The following ENOX1 variants were observed in gnomAD, a reference collection of about 807,000 sequenced individuals.
ENOX1 encodes the protein candidate growth-related and time keeping constitutive hydroquinone (NADH) oxidase.
Under a neutral mutation model 82.5 loss-of-function variants are expected in ENOX1, and 42 were observed. The observed-to-expected ratio is 0.51, with a 90% CI of 0.40 to 0.66. ENOX1 has a LOEUF of 0.66. Among genes scored for constraint, ENOX1 ranks in the 30% least tolerant of loss-of-function variants. The probability of loss-of-function intolerance (pLI) is 0.00; values close to 1 mark genes in which losing one functional copy is unlikely to be tolerated. For missense variants in ENOX1, 608 were observed against 811.6 expected, an observed-to-expected ratio of 0.75 and a Z score of 3.05; for synonymous variants, 271 against 282.2, an observed-to-expected ratio of 0.96 and a Z score of 0.40.
intron 2 of ENOX1, among the ~76,000 whole-genome samples, chr13:43,497,838 T>C (rs2076846054): frequency 1.3e-5 from 2 of 152,158 alleles, no homozygotes; most frequent in Non-Finnish European, 2.9e-5. Flanking sequence ...AATTCATTAG[T>C]GAAAGCATCT....
chr13:43,642,028 C>G (rs2083677943), intron 2 of ENOX1, among the ~76,000 whole-genome samples: 1 of 152,092 alleles, frequency 6.6e-6, no homozygotes, highest in South Asian at 2.1e-4. Flanking sequence ...ATCATTTAAT[C>G]TACAACAAGA....
chr13:43,380,464 T>C (rs187771694), intron 5 of ENOX1, among the ~76,000 whole-genome samples: 1 of 151,660 alleles, frequency 6.6e-6, no homozygotes, highest in Admixed American at 6.6e-5. Flanking sequence ...ATCATAAAGA[T>C]ACTAAGTCCA....
At chr13:43,616,186 C>A (rs58232500) in intron 2 of ENOX1, among the ~76,000 whole-genome samples, 1,791 of 6,428 alleles carry the variant, frequency 0.28, 314 homozygotes, top group East Asian at 0.45. Context: ...ATCTATCTAT[C>A]TATATATATA....
intron 11 of ENOX1, among the ~76,000 whole-genome samples, chr13:43,310,951 CCCA>C (rs1285703066): frequency 2.0e-5 from 3 of 151,700 alleles, no homozygotes; most frequent in Admixed American, 6.6e-5. Flanking sequence ...GCCATAGTCC[CCCA>C]CATTTTAATG....
intron 2 of ENOX1, among the ~76,000 whole-genome samples, chr13:43,597,022 T>C (rs1037336902): frequency 6.6e-6 from 1 of 152,134 alleles, no homozygotes; most frequent in African/African-American, 2.4e-5. Context: ...ACAGGAAGCA[T>C]GGCTGGGAGA....
At chr13:43,732,913 G>GCAGACAGTGA (rs1278219649) in intron 1 of ENOX1, among the ~76,000 whole-genome samples, 1 of 152,164 alleles carries the variant, frequency 6.6e-6, no homozygotes, top group Admixed American at 6.5e-5. Flanking sequence ...TGCCCATGTT[G>GCAGACAGTGA]CAGACAGTGA....
chr13:43,618,800 G>A (rs1431532392), intron 2 of ENOX1, among the ~76,000 whole-genome samples: 1 of 151,966 alleles, frequency 6.6e-6, no homozygotes, highest in Non-Finnish European at 1.5e-5. Flanking sequence ...GATGGGAATT[G>A]CATTGAATTT....
At chr13:43,649,477 C>G (rs1268868113) in intron 2 of ENOX1, among the ~76,000 whole-genome samples, 1 of 152,122 alleles carries the variant, frequency 6.6e-6, no homozygotes, top group Non-Finnish European at 1.5e-5. Context: ...ATATAATGAA[C>G]TTACAAATAA....
chr13:43,485,032 G>A (rs918229487), intron 2 of ENOX1, among the ~76,000 whole-genome samples: 1 of 152,150 alleles, frequency 6.6e-6, no homozygotes, highest in Non-Finnish European at 1.5e-5. Context: ...CCTGATGAAT[G>A]AGAACACTTA....
Position 43,344,671 on chromosome 13 carries a change from G to T in ENOX1, c.903C>A (p.Asn301Lys). 6.2e-7 allele frequency: 1 copy of T among 1,614,128 alleles called. No homozygotes were observed. The highest frequency in any genetic ancestry group is 8.5e-7 in the Non-Finnish European group (1 of 1,180,026). ...CCGACTGCACCATGGAATAGAACTG[G>T]TTTGCAGAGCGCCGATTCACTTCCC... ...ERGEVNRRSANQFYSMVQSAN... is the reference protein window; with the variant it reads ...ERGEVNRRSAKQFYSMVQSAN... The change falls in exon 9 of 17, where the codon AAC (asparagine) becomes AAA (lysine). Residue 301 changes from asparagine to lysine, a missense_variant. By Grantham distance (94) the Asn-to-Lys change is moderately conservative (BLOSUM62 0). Coordinates refer to ENST00000690772, the MANE Select transcript of ENOX1 (RefSeq NM_001347969.2).
At chr13:43,657,704 G>A (rs2084509925) in intron 2 of ENOX1, among the ~76,000 whole-genome samples, 1 of 152,238 alleles carries the variant, frequency 6.6e-6, no homozygotes, top group African/African-American at 2.4e-5. Flanking sequence ...AAAGCTACAA[G>A]GGACAGCCCC....
At chr13:43,475,756 T>C (rs1277499239) in intron 3 of ENOX1, among the ~76,000 whole-genome samples, 1 of 126,328 alleles carries the variant, frequency 7.9e-6, no homozygotes, top group Non-Finnish European at 1.6e-5. Context: ...GTGGTGGCAT[T>C]GGCCCAGGCC....
chr13:43,372,398 C>T (rs1048002690), intron 5 of ENOX1, among the ~76,000 whole-genome samples: 4 of 152,150 alleles, frequency 2.6e-5, no homozygotes, highest in African/African-American at 9.7e-5. Flanking sequence ...CTCATGCTTC[C>T]CTTCCTTTCT....
At chr13:43,487,734 C>T (rs192241265) in intron 2 of ENOX1, among the ~76,000 whole-genome samples, 35 of 152,298 alleles carry the variant, frequency 2.3e-4, no homozygotes, top group Middle Eastern at 3.4e-3. Context: ...ATGTCTGTCA[C>T]TGTGGACAGA....
intron 2 of ENOX1, among the ~76,000 whole-genome samples, chr13:43,513,219 G>A (rs529696734): frequency 6.6e-6 from 1 of 152,236 alleles, no homozygotes; most frequent in Admixed American, 6.5e-5. Context: ...TGAGGAAGTA[G>A]AATGGCTCGA....
chr13:43,391,602 G>A (rs1460543930), intron 5 of ENOX1, among the ~76,000 whole-genome samples: 1 of 152,044 alleles, frequency 6.6e-6, no homozygotes, highest in African/African-American at 2.4e-5. Context: ...TAGAAACTTG[G>A]CATTCATCTT....
chr13:43,744,926 A>G (rs934040883), intron 1 of ENOX1, among the ~76,000 whole-genome samples: 1 of 152,196 alleles, frequency 6.6e-6, no homozygotes, highest in Non-Finnish European at 1.5e-5. Flanking sequence ...ACGGATTACT[A>G]ACAATTTTTC....
chr13:43,346,724 G>T (rs1041053), intron 8 of ENOX1, among the ~76,000 whole-genome samples: 65,870 of 151,858 alleles, frequency 0.43, 14,955 homozygotes, highest in African/African-American at 0.57. Context: ...AATTTAGCAT[G>T]ATGTTTGTGA....
In ENOX1 at chr13:43,548,664, CTG is replaced by C. The variant is rs560935104; in HGVS notation, c.-218-64514_-218-64513del. ...TGGGTCCACATGCCATCCCTGTGGT[CTG>C]CTATTCCTGTGGTCTGAATGGCCAG... On this transcript the variant is annotated intron_variant, in intron 2 of 16. Coordinates refer to ENST00000690772, the MANE Select transcript of ENOX1 (RefSeq NM_001347969.2). Among the ~76,000 whole-genome samples the C allele has an allele frequency of 2.5e-3, 388 of 152,328 alleles. 1 individual carries two copies. Among genetic ancestry groups the C allele is most frequent in the African/African-American group, 9.0e-3 (373 of 41,578 alleles).
Sources: allele counts gnomAD v4.1 joint callset (sites outside exome capture counted in the v4.1 genomes callset), GRCh38; gene constraint gnomAD v4.1.1; transcripts MANE v1.5; gene names NCBI Gene and HGNC (gene_info 2026-07-23, HGNC 2026-07-21).